The following ATP13A5 variants were observed in gnomAD, a reference collection of about 807,000 sequenced individuals.
ATP13A5 encodes the protein ATPase 13A5, also known as probable cation-transporting ATPase 13A5.
A neutral mutation model predicts 150.2 loss-of-function variants in ATP13A5; 149 were observed. The observed-to-expected ratio is 0.99, with a 90% CI of 0.87 to 1.14. ATP13A5 has a LOEUF of 1.14. Ranked by LOEUF, ATP13A5 falls within the 50% of genes most tolerant of loss-of-function variation. The pLI is 0.00. For missense variants in ATP13A5, 1,383 were observed against 1,449.3 expected (o/e 0.95, Z 0.74); for synonymous variants, 497 against 522.2 (o/e 0.95, Z 0.66).
chr3:193,289,752 A>C, intron 26 of ATP13A5, 133 bp downstream of exon 26: 1 of 780,746 alleles, frequency 1.3e-6, no homozygotes. Flanking sequence ...GTTCTGTCCC[A>C]TCATTTGAGT....
At chr3:193,331,827 C>A (rs1218646119) in intron 11 of ATP13A5, among the ~76,000 whole-genome samples, 1 of 152,140 alleles carries the variant, frequency 6.6e-6, no homozygotes, top group East Asian at 1.9e-4. Flanking sequence ...CTATAACAAC[C>A]TTATGACGTA....
At chr3:193,347,886 T>A (rs905084347) in intron 7 of ATP13A5, among the ~76,000 whole-genome samples, 3 of 152,182 alleles carry the variant, frequency 2.0e-5, no homozygotes, top group African/African-American at 4.8e-5. Context: ...AGTGTACTGA[T>A]CACATTCCAT....
In ATP13A5 at chr3:193,343,939, CT is replaced by C. The variant is rs1303088089; in HGVS notation, c.930del (p.Gly311AlafsTer70). ...GACAACTGCCTACCTGTAAGCATGC[CT>C]TCATTCACCACGCAGCTTCCATCAA... ...VLIDGSCVVNEGMLTGESIPV... is the reference protein window; with the variant it reads ...VLIDGSCVVNXGMLTGESIPV... On this transcript the variant is annotated frameshift_variant, in exon 9 of 30. Transcript: ENST00000342358. LOFTEE classifies it high-confidence loss of function. The C allele has an allele frequency of 6.2e-7, 1 of 1,612,890 alleles. No individual in the cohort carries two copies. The highest frequency in any genetic ancestry group is 8.5e-7 in the Non-Finnish European group (1 of 1,179,298).
chr3:193,333,654 TGATGGGATCAA>T (rs1421889240), intron 11 of ATP13A5, 85 bp downstream of exon 11: 6 of 1,218,418 alleles, frequency 4.9e-6, no homozygotes, highest in Non-Finnish European at 7.0e-6. Context: ...ATTCACAGAA[TGATGGGATCAA>T]GATGTAACCT....
intron 9 of ATP13A5, among the ~76,000 whole-genome samples, chr3:193,339,202 T>C (rs566178301): frequency 6.6e-6 from 1 of 152,102 alleles, no homozygotes; most frequent in African/African-American, 2.4e-5. Context: ...GATTCATTGA[T>C]TTTTTTAAGG....
chr3:193,333,127 CCTCT>C (rs916022270), intron 11 of ATP13A5, among the ~76,000 whole-genome samples: 21 of 150,282 alleles, frequency 1.4e-4, no homozygotes, highest in Non-Finnish European at 2.4e-4. Context: ...TCACTGCCCA[CCTCT>C]CTCTCTCTCA....
intron 1 of ATP13A5, among the ~76,000 whole-genome samples, chr3:193,366,636 T>A (rs1305881657): frequency 1.3e-5 from 2 of 152,010 alleles, no homozygotes; most frequent in African/African-American, 4.8e-5. Context: ...AAATCTACTC[T>A]CATCATTGGA....
At chr3:193,359,208 T>C (rs1051043998) in intron 5 of ATP13A5, among the ~76,000 whole-genome samples, 1 of 152,144 alleles carries the variant, frequency 6.6e-6, no homozygotes, top group African/African-American at 2.4e-5. Context: ...AACCAGCCCT[T>C]CCTTGATCCT....
In ATP13A5 at chr3:193,290,145, T is replaced by G. The variant is rs1044555625; in HGVS notation, c.2849-86A>C. Reference sequence around the variant, plus strand: ...ATTGAGATGCATATTATCTTGAGTCTGGCATTGGGATTCAGACTAAGCAAA... The same window carrying G: ...ATTGAGATGCATATTATCTTGAGTCGGGCATTGGGATTCAGACTAAGCAAA... On this transcript the variant is annotated intron_variant, in intron 25 of 29. Transcript: ENST00000342358. 13 of 1,350,558 alleles carry G rather than the reference T, an allele frequency of 9.6e-6. No individual in the cohort carries two copies. In the African/African-American group the frequency reaches 1.8e-4, roughly 19 times the overall value. 83.7% of individuals were successfully genotyped at this position (1,350,558 alleles called of 1,614,324 possible). A position where few individuals can be genotyped will look rare whatever the true frequency, so the allele number is the denominator to read the frequency against.
At chr3:193,374,276 GCA>G (rs542915725) in intron 1 of ATP13A5, among the ~76,000 whole-genome samples, 249 of 147,658 alleles carry the variant, frequency 1.7e-3, no homozygotes, top group African/African-American at 3.2e-3. Flanking sequence ...GCATGTATTT[GCA>G]CACACACACA....
intron 27 of ATP13A5, among the ~76,000 whole-genome samples, chr3:193,282,916 T>G (rs1157412597): frequency 6.6e-5 from 10 of 152,236 alleles, no homozygotes; most frequent in Admixed American, 4.6e-4. Context: ...AGGAAAGAAA[T>G]AAATACATTT....
intron 27 of ATP13A5, among the ~76,000 whole-genome samples, chr3:193,281,961 C>T (rs538689409): frequency 3.9e-5 from 6 of 151,906 alleles, no homozygotes; most frequent in African/African-American, 4.8e-5. Context: ...TTTGGGAGGC[C>T]GAAGCGGGTG....
intron 23 of ATP13A5, among the ~76,000 whole-genome samples, chr3:193,303,002 A>C (rs1718462655): frequency 6.6e-6 from 1 of 152,192 alleles, no homozygotes; most frequent in South Asian, 2.1e-4. Flanking sequence ...TCATAAATGC[A>C]CTGGGCCACA....
intron 23 of ATP13A5, among the ~76,000 whole-genome samples, chr3:193,303,367 TG>T (rs1314091339): frequency 6.6e-6 from 1 of 152,182 alleles, no homozygotes; most frequent in East Asian, 1.9e-4. Context: ...CCAGAACATT[TG>T]CTGTCTTGTT....
At chr3:193,331,669 A>G (rs1470289857) in intron 11 of ATP13A5, among the ~76,000 whole-genome samples, 3 of 152,330 alleles carry the variant, frequency 2.0e-5, no homozygotes, top group Middle Eastern at 3.4e-3. Flanking sequence ...GGATGGCAAT[A>G]TAATTAAAAA....
intron 1 of ATP13A5, among the ~76,000 whole-genome samples, chr3:193,373,501 C>T (rs1334086923): frequency 6.7e-6 from 1 of 149,554 alleles, no homozygotes; most frequent in Non-Finnish European, 1.5e-5. Context: ...TCAATGATAG[C>T]CTCAAACAAT....
intron 28 of ATP13A5, 97 bp from the exon 29 acceptor site, chr3:193,276,927 C>G (rs1377086779): frequency 2.2e-6 from 2 of 921,368 alleles, no homozygotes; most frequent in Non-Finnish European, 1.7e-6. Context: ...TAATAACTCT[C>G]TGAGCTTAGT....
rs1717510104 is a variant in ATP13A5, at chr3:193,281,829, C to CTT, written c.3227-2377_3227-2376dup. Among the ~76,000 whole-genome samples the CTT allele has an allele frequency of 2.6e-5, 4 of 152,228 alleles. No homozygotes were observed. The South Asian group carries it at 8.3e-4, about 32-fold the overall frequency. ...ATAGGGGTTTGAATTTACCCACAAG[C>CTT]TTTAAGTCACTGTGAGGTAACTACC... On this transcript the variant is annotated intron_variant, in intron 27 of 29. Transcript: ENST00000342358.
intron 7 of ATP13A5, among the ~76,000 whole-genome samples, chr3:193,347,520 A>ATTTTTTTTTTTT (rs759304492): frequency 1.0e-5 from 1 of 100,072 alleles, no homozygotes; most frequent in African/African-American, 4.8e-5. Flanking sequence ...CCTTCCTTAG[A>ATTTTTTTTTTTT]TTTCTTTTTT....
Sources: allele counts gnomAD v4.1 joint callset (sites outside exome capture counted in the v4.1 genomes callset), GRCh38; gene constraint gnomAD v4.1.1; transcripts MANE v1.5; gene names NCBI Gene and HGNC (gene_info 2026-07-23, HGNC 2026-07-21).